The following PTPRT variants were observed in gnomAD, a reference collection of about 807,000 sequenced individuals.
The protein encoded by PTPRT is protein tyrosine phosphatase receptor type T, also known as receptor-type tyrosine-protein phosphatase T.
In PTPRT, 56 loss-of-function variants were observed where a neutral mutation model predicts 176.8. That is an observed-to-expected ratio of 0.32 (90% confidence interval 0.26 to 0.40). The LOEUF (loss-of-function observed/expected upper bound fraction) is 0.40, where lower values mean the gene tolerates loss of function less well. Among genes scored for constraint, PTPRT ranks in the 10% least tolerant of loss-of-function variants. PTPRT has a pLI of 1.00. For missense variants in PTPRT, 1,540 were observed against 1,908.2 expected, an observed-to-expected ratio of 0.81 and a Z score of 3.60; for synonymous variants, 783 against 739.0, an observed-to-expected ratio of 1.06 and a Z score of -0.96.
chr20:43,032,257 T>C (rs1457170835), intron 1 of PTPRT, among the ~76,000 whole-genome samples: 2 of 152,088 alleles, frequency 1.3e-5, no homozygotes, highest in African/African-American at 4.8e-5. Flanking sequence ...TCAGGTGCAC[T>C]GTCTACATTT....
intron 6 of PTPRT, among the ~76,000 whole-genome samples, chr20:42,709,759 G>A (rs1033434556): frequency 2.3e-4 from 35 of 152,224 alleles, no homozygotes; most frequent in African/African-American, 8.4e-4. Context: ...AGAGGGAGAT[G>A]AGGGAAAGTT....
chr20:42,519,620 T>A (rs1010630456), intron 7 of PTPRT, among the ~76,000 whole-genome samples: 4 of 152,014 alleles, frequency 2.6e-5, no homozygotes, highest in Non-Finnish European at 5.9e-5. Context: ...TCTTTCCAGA[T>A]AGACAGACAG....
At chr20:42,397,181 T>C (rs2058859329) in intron 9 of PTPRT, among the ~76,000 whole-genome samples, 1 of 152,244 alleles carries the variant, frequency 6.6e-6, no homozygotes, top group South Asian at 2.1e-4. Context: ...TGCGTATTCA[T>C]GTGTTTGGTG....
intron 6 of PTPRT, among the ~76,000 whole-genome samples, chr20:42,755,522 TA>T (rs1383774708): frequency 6.6e-6 from 1 of 151,784 alleles, no homozygotes; most frequent in African/African-American, 2.4e-5. Context: ...ATAACATTGG[TA>T]AAATGAGTAC....
chr20:42,921,286 A>G (rs1212500660), intron 1 of PTPRT, among the ~76,000 whole-genome samples: 3 of 152,222 alleles, frequency 2.0e-5, no homozygotes, highest in Non-Finnish European at 4.4e-5. Context: ...AAGGTACACT[A>G]AAGCAAGACC....
intron 1 of PTPRT, among the ~76,000 whole-genome samples, chr20:42,923,844 TC>T (rs368996017): frequency 2.0e-5 from 3 of 150,734 alleles, no homozygotes; most frequent in African/African-American, 5.0e-5. Flanking sequence ...TTTTTTCTTT[TC>T]TTTTTTTTTT....
At chr20:42,319,006 T>C (rs6093615) in intron 11 of PTPRT, among the ~76,000 whole-genome samples, 65,383 of 151,974 alleles carry the variant, frequency 0.43, 14,866 homozygotes, top group African/African-American at 0.58. Flanking sequence ...GGGTTCTCAC[T>C]GGGCTCTGAA....
At chr20:43,108,586 G>A (rs2012717954) in intron 1 of PTPRT, among the ~76,000 whole-genome samples, 1 of 152,058 alleles carries the variant, frequency 6.6e-6, no homozygotes, top group Non-Finnish European at 1.5e-5. Context: ...GGGGCTTGAG[G>A]ACAGATAAGA....
chr20:42,629,998 C>A (rs562994966), intron 7 of PTPRT, among the ~76,000 whole-genome samples: 1 of 152,268 alleles, frequency 6.6e-6, no homozygotes, highest in East Asian at 1.9e-4. Context: ...GAATATGTTA[C>A]CTTACTTAGC....
At chr20:42,640,562 T>A (rs2074720671) in intron 7 of PTPRT, among the ~76,000 whole-genome samples, 1 of 152,056 alleles carries the variant, frequency 6.6e-6, no homozygotes. Flanking sequence ...CTAATTTTTT[T>A]ATTTTTAGCA....
intron 1 of PTPRT, among the ~76,000 whole-genome samples, chr20:43,138,425 G>A (rs919861422): frequency 1.3e-5 from 2 of 152,172 alleles, no homozygotes; most frequent in African/African-American, 4.8e-5. Context: ...TGAGCCATGC[G>A]ACCCTGGGCA....
At chr20:42,350,069 G>T (rs1393223836) in intron 11 of PTPRT, among the ~76,000 whole-genome samples, 1 of 151,990 alleles carries the variant, frequency 6.6e-6, no homozygotes, top group African/African-American at 2.4e-5. Flanking sequence ...TGTCTATCTG[G>T]CTGTTACTGG....
At chr20:42,291,356 T>G (rs1600790444) in intron 12 of PTPRT, among the ~76,000 whole-genome samples, 3 of 152,156 alleles carry the variant, frequency 2.0e-5, no homozygotes, top group Admixed American at 2.0e-4. Context: ...AGACAAACAT[T>G]AGACAACCAT....
At chr20:43,155,906 G>C (rs979083846) in intron 1 of PTPRT, among the ~76,000 whole-genome samples, 1 of 152,112 alleles carries the variant, frequency 6.6e-6, no homozygotes, top group Non-Finnish European at 1.5e-5. Context: ...CTCACCACAA[G>C]ACTTCCACAT....
At chr20:42,287,843 A>G (rs145706722) in intron 12 of PTPRT, among the ~76,000 whole-genome samples, 39 of 152,074 alleles carry the variant, frequency 2.6e-4, no homozygotes, top group African/African-American at 9.4e-4. Context: ...AATATTTACA[A>G]TTAGTATACG....
intron 6 of PTPRT, among the ~76,000 whole-genome samples, chr20:42,742,624 C>CT (rs1408675535): frequency 1.3e-5 from 2 of 152,194 alleles, no homozygotes; most frequent in African/African-American, 2.4e-5. Flanking sequence ...TCTGCACACA[C>CT]TCCTCTGGCC....
At chr20:42,534,860 G>A (rs548974302) in intron 7 of PTPRT, among the ~76,000 whole-genome samples, 33 of 152,056 alleles carry the variant, frequency 2.2e-4, no homozygotes, top group Non-Finnish European at 4.1e-4. Context: ...ACAACATAAG[G>A]TGACTGTGGG....
intron 11 of PTPRT, among the ~76,000 whole-genome samples, chr20:42,332,516 G>A (rs1265456345): frequency 6.6e-6 from 1 of 152,074 alleles, no homozygotes; most frequent in Non-Finnish European, 1.5e-5. Context: ...GGCCAGAAAA[G>A]AATATTTCTG....
chr20:42,108,926 C>A (rs959059750), intron 23 of PTPRT, among the ~76,000 whole-genome samples: 2 of 152,214 alleles, frequency 1.3e-5, no homozygotes, highest in Non-Finnish European at 2.9e-5. Flanking sequence ...TGATGATAAA[C>A]AAACATTTGC....
Sources: gnomAD v4.1 joint callset for allele counts (sites outside exome capture counted in the v4.1 genomes callset) on GRCh38, gnomAD v4.1.1 for gene constraint, MANE v1.5 for transcripts, NCBI Gene and HGNC (gene_info 2026-07-23, HGNC 2026-07-21) for gene names.